Variants in KMT2A observed in about 807,000 individuals in gnomAD.
The protein encoded by KMT2A is histone-lysine N-methyltransferase 2A.
A neutral mutation model predicts 345.3 loss-of-function variants in KMT2A; 16 were observed. The observed-to-expected ratio is 0.05, with a 90% CI of 0.03 to 0.07. KMT2A has a LOEUF of 0.07. Ranked by LOEUF, KMT2A falls within the 10% of genes least tolerant of loss-of-function variation. The pLI is 1.00. For synonymous variants in KMT2A, 1,599 were observed against 1,778.6 expected, an observed-to-expected ratio of 0.90 and a Z score of 2.54; for missense variants, 3,272 against 4,841.6, an observed-to-expected ratio of 0.68 and a Z score of 9.62.
At chr11:118,439,798 C>G (rs1172510380) in intron 1 of KMT2A, among the ~76,000 whole-genome samples, 1 of 152,124 alleles carries the variant, frequency 6.6e-6, no homozygotes, top group Admixed American at 6.6e-5. Context: ...CTGAATTGGA[C>G]TTGAATGAGC....
Position 118,521,964 on chromosome 11 carries a change from C to T in KMT2A, c.11711C>T (p.Ala3904Val). 6.2e-7 allele frequency: 1 copy of T among 1,614,176 alleles called. No individual in the cohort carries two copies. The highest frequency in any genetic ancestry group is 8.5e-7 in the Non-Finnish European group (1 of 1,180,012). The change falls in exon 36 of 36, where the codon GCT becomes GTT. Residue 3904 changes from alanine (A) to valine (V), a missense_variant. Ala to Val is a moderately conservative substitution (Grantham distance 64, BLOSUM62 0). Transcript: ENST00000534358. This position sits in a 1 kb window ranked among gnomAD's most constrained non-coding sequence, Gnocchi z 5.3. Reference protein sequence around the residue: ...EVVDATMHGNAARFINHSCEP... With the variant: ...EVVDATMHGNVARFINHSCEP... ...GTGGATGCCACCATGCATGGAAATG[C>T]TGCACGCTTCATCAATCACTCGTGT...
intron 29 of KMT2A, among the ~76,000 whole-genome samples, chr11:118,509,412 G>A (rs1388209328): frequency 2.0e-5 from 3 of 152,126 alleles, no homozygotes; most frequent in Non-Finnish European, 4.4e-5. Context: ...TCACCTGTCA[G>A]CTAAGGACTC....
rs1555037598 is a variant in KMT2A at position 118,476,756 on chromosome 11, A to T, written c.3157-49A>T. The stretch of plus-strand genomic sequence containing the variant: ...GTATACCTTGGCTTCGTTCAGTTAT[A>T]ATTTCAACATGTATGGTTGTTATTG... On this transcript the variant is annotated intron_variant, in intron 3 of 35. Coordinates refer to ENST00000534358, the MANE Select transcript of KMT2A (RefSeq NM_001197104.2). This position sits in a 1 kb window ranked among gnomAD's most constrained non-coding sequence, Gnocchi z 4.1. 2.0e-5 allele frequency: 30 copies of T among 1,514,040 alleles called. No individual in the cohort carries two copies. The highest frequency in any genetic ancestry group is 2.7e-5 in the Non-Finnish European group (30 of 1,108,314). The allele number at this position is 1,514,040 out of a possible 1,614,324, so 93.8% of individuals were successfully genotyped here.
chr11:118,485,792 A>G (rs1190662411), intron 10 of KMT2A, among the ~76,000 whole-genome samples: 1 of 152,206 alleles, frequency 6.6e-6, no homozygotes, highest in Non-Finnish European at 1.5e-5. Context: ...AAATAAGCAT[A>G]GGGCATATAG....
intron 10 of KMT2A, among the ~76,000 whole-genome samples, chr11:118,486,061 C>T (rs944564142): frequency 4.0e-5 from 6 of 151,768 alleles, no homozygotes; most frequent in Non-Finnish European, 7.4e-5. Context: ...CCCGCCTGGG[C>T]GACAGAGCAA....
In KMT2A at chr11:118,505,976, C is replaced by G. The variant is rs1950574746; in HGVS notation, c.10084C>G (p.Pro3362Ala). Residue 3362 changes from proline to alanine, a missense_variant, in exon 27 of 36, where the codon CCA becomes GCA. By Grantham distance (27) the Pro-to-Ala change is conservative (BLOSUM62 -1). This residue lies in a region of KMT2A where 748 missense variants were observed against 922.2 expected (regional missense o/e 0.81). Coordinates refer to ENST00000534358, the MANE Select transcript of KMT2A (RefSeq NM_001197104.2). This position sits in a 1 kb window ranked among gnomAD's most constrained non-coding sequence, Gnocchi z 4.6. The part of the protein sequence containing the change: ...TTTPTSSASV[P>A]GHVTLTNPRL... ...AACCCCTACAAGTAGTGCGTCAGTT[C>G]CAGGACACGTCACCTTAACCAACCC... The G allele has an allele frequency of 6.2e-7, 1 of 1,614,204 alleles. No homozygotes were observed. Among genetic ancestry groups the G allele is most frequent in the Non-Finnish European group, 8.5e-7 (1 of 1,180,042 alleles).
At position 118,502,626 on chromosome 11, in the gene KMT2A, T is replaced by C. The variant is rs1186699148; in HGVS notation, c.6734T>C (p.Val2245Ala). ...TATDLESSAK[V>A]VDHVLGPLNS... ...ACTGATCTTGAATCAAGTGCCAAAG[T>C]AGTTGATCATGTCTTAGGGCCACTG... The change falls in exon 27 of 36, where the codon GTA becomes GCA. Residue 2245 changes from valine to alanine, a missense_variant. This residue lies in a region of KMT2A where 445 missense variants were observed against 500.9 expected (regional missense o/e 0.89). Coordinates refer to ENST00000534358, the MANE Select transcript of KMT2A (RefSeq NM_001197104.2). The surrounding 1 kb of genome is among the most constrained non-coding windows in gnomAD (Gnocchi z 4.9). The C allele has an allele frequency of 6.2e-7, 1 of 1,613,940 alleles. No homozygotes were observed. Among genetic ancestry groups the C allele is most frequent in the Non-Finnish European group, 8.5e-7 (1 of 1,179,992 alleles).
Position 118,436,785 on chromosome 11 carries a change from T to G in KMT2A, c.273T>G (p.Ser91=). The G allele has an allele frequency of 6.2e-7, 1 of 1,605,488 alleles. No individual in the cohort carries two copies. Among genetic ancestry groups the G allele is most frequent in the African/African-American group, 1.3e-5 (1 of 74,452 alleles). The part of the protein sequence containing the change: ...ASAASSSSAS[S]SSSSSSSASS... Reference sequence around the variant, plus strand: ...CAGCCTCCTCGTCGTCCGCCTCGTCTTCGTCTTCGTCATCGTCCTCAGCCT... The same window carrying G: ...CAGCCTCCTCGTCGTCCGCCTCGTCGTCGTCTTCGTCATCGTCCTCAGCCT... Residue 91 remains serine (S), a synonymous_variant, in exon 1 of 36, where the codon TCT becomes TCG. Coordinates refer to ENST00000534358, the MANE Select transcript of KMT2A (RefSeq NM_001197104.2). The surrounding 1 kb of genome is among the most constrained non-coding windows in gnomAD (Gnocchi z 6.9).
intron 6 of KMT2A, 47 bp downstream of exon 6, chr11:118,480,285 G>C: frequency 6.8e-7 from 1 of 1,463,302 alleles, no homozygotes. Flanking sequence ...TTGCTTAAAT[G>C]GTGTATAGTT....
chr11:118,463,994 T>C (rs1213828990), intron 1 of KMT2A, among the ~76,000 whole-genome samples: 1 of 152,206 alleles, frequency 6.6e-6, no homozygotes, highest in Non-Finnish European at 1.5e-5. Context: ...GGTGAAAGAA[T>C]GGTGAAATCA....
At chr11:118,457,884 T>C (rs1949677379) in intron 1 of KMT2A, among the ~76,000 whole-genome samples, 1 of 152,132 alleles carries the variant, frequency 6.6e-6, no homozygotes, top group Non-Finnish European at 1.5e-5. Context: ...CGATACTTCA[T>C]TAATTTACTC....
Position 118,494,428 on chromosome 11 carries a change from A to G in KMT2A, c.5289+30A>G. The G allele has an allele frequency of 4.3e-6, 5 of 1,163,254 alleles. No homozygotes were observed. The highest frequency in any genetic ancestry group is 6.5e-6 in the Non-Finnish European group (5 of 773,870). 72.1% of individuals were successfully genotyped at this position (1,163,254 alleles called of 1,614,324 possible). A position where few individuals can be genotyped will look rare whatever the true frequency, so the allele number is the denominator to read the frequency against. On this transcript the variant is annotated intron_variant, in intron 17 of 35. Coordinates refer to ENST00000534358, the MANE Select transcript of KMT2A (RefSeq NM_001197104.2). The surrounding 1 kb of genome is among the most constrained non-coding windows in gnomAD (Gnocchi z 5.8). Reference sequence around the variant, plus strand: ...ATGATATTACTAATTCATGTTTTTAATGCTTACCTATAAGTAATTACCCTG... The same window carrying G: ...ATGATATTACTAATTCATGTTTTTAGTGCTTACCTATAAGTAATTACCCTG...
intron 1 of KMT2A, among the ~76,000 whole-genome samples, chr11:118,457,228 TATAAG>T (rs1949661114): frequency 6.8e-6 from 1 of 147,278 alleles, no homozygotes; most frequent in Non-Finnish European, 1.5e-5. Flanking sequence ...CATGAAGGCA[TATAAG>T]ACCTTTCATG....
In KMT2A at chr11:118,482,497, TGAG is replaced by T; in HGVS notation, c.4086+6_4086+8del. The stretch of plus-strand genomic sequence containing the variant: ...GTAAAACAAAAACCAAAAGAAAAGG[TGAG>T]GAGAGATTTGTTTCTCTGCCATTTC... On this transcript the variant is annotated splice_donor_5th_base_variant and intron_variant, in intron 8 of 35. Transcript: ENST00000534358. The T allele has an allele frequency of 6.2e-7, 1 of 1,602,678 alleles. No individual in the cohort carries two copies. The highest frequency in any genetic ancestry group is 8.5e-7 in the Non-Finnish European group (1 of 1,170,444).
intron 2 of KMT2A, 131 bp from the exon 3 acceptor site, chr11:118,471,531 T>A: frequency 4.0e-6 from 2 of 497,512 alleles, no homozygotes; most frequent in Admixed American, 3.8e-5. Flanking sequence ...ACAATTAAGA[T>A]GTTTGATTGA....
Position 118,494,899 on chromosome 11 carries a change from G to A in KMT2A, c.5363+132G>A. ...ATTGGTTGAAATGCCTTTTCGGTGT[G>A]GTTTTGAGGACTACATTTAATGTTT... On this transcript the variant is annotated intron_variant, in intron 18 of 35. Coordinates refer to ENST00000534358, the MANE Select transcript of KMT2A (RefSeq NM_001197104.2). This position sits in a 1 kb window ranked among gnomAD's most constrained non-coding sequence, Gnocchi z 5.8. The A allele has an allele frequency of 1.5e-6, 1 of 677,546 alleles. No homozygotes were observed. 42.0% of individuals were successfully genotyped at this position (677,546 alleles called of 1,614,324 possible). A position where few individuals can be genotyped will look rare whatever the true frequency, so the allele number is the denominator to read the frequency against.
Position 118,507,599 on chromosome 11 carries a change from C to A in KMT2A, c.10825C>A (p.Gln3609Lys). 6.2e-7 allele frequency: 1 copy of A among 1,613,082 alleles called. No homozygotes were observed. Among genetic ancestry groups the A allele is most frequent in the Non-Finnish European group, 8.5e-7 (1 of 1,179,018 alleles). The stretch of plus-strand genomic sequence containing the variant: ...GCAGTCCTCCCAGAAGGAGTGTGGG[C>A]AACCTGCAGGGTAAGCTGAAGAATT... ...VEQSSQKECGQPAGQVAVLPE... is the reference protein window; with the variant it reads ...VEQSSQKECGKPAGQVAVLPE... The change falls in exon 28 of 36, where the codon CAA (glutamine) becomes AAA (lysine). Residue 3609 changes from glutamine (Q) to lysine (K), a missense_variant. This residue lies in a region of KMT2A where 748 missense variants were observed against 922.2 expected (regional missense o/e 0.81). Transcript: ENST00000534358.
rs775883126 is a variant in KMT2A at position 118,521,141 on chromosome 11, G to A, written c.11514-147G>A. ...TTCATCTTTGGCCATGTGTTAGATG[G>A]CCAAATCAAGTGGGTCCAAATTTTT... On this transcript the variant is annotated intron_variant, in intron 34 of 35. Coordinates refer to ENST00000534358, the MANE Select transcript of KMT2A (RefSeq NM_001197104.2). The surrounding 1 kb of genome is among the most constrained non-coding windows in gnomAD (Gnocchi z 5.3). The A allele has an allele frequency of 2.0e-5, 17 of 861,550 alleles. No individual in the cohort carries two copies. Among genetic ancestry groups the A allele is most frequent in the Non-Finnish European group, 2.7e-5 (15 of 549,964 alleles). 53.4% of individuals were successfully genotyped at this position (861,550 alleles called of 1,614,324 possible). A position where few individuals can be genotyped will look rare whatever the true frequency, so the allele number is the denominator to read the frequency against.
intron 23 of KMT2A, 110 bp from the exon 24 acceptor site, chr11:118,499,725 A>G: frequency 1.2e-6 from 1 of 803,332 alleles, no homozygotes; most frequent in Non-Finnish European, 2.1e-6. Flanking sequence ...GGCTGCAGTG[A>G]GCTGAGATTG....
Sources: gnomAD v4.1 joint callset for allele counts (sites outside exome capture counted in the v4.1 genomes callset) on GRCh38, gnomAD v4.1.1 for gene constraint, gnomAD v4.1.1 regional missense constraint, Gnocchi (gnomAD v3.1) non-coding constraint, MANE v1.5 for transcripts, NCBI Gene and HGNC (gene_info 2026-07-23, HGNC 2026-07-21) for gene names.